The following EML6 variants were observed in gnomAD, a reference collection of about 807,000 sequenced individuals.
The protein encoded by EML6 is echinoderm microtubule-associated protein-like 6.
Under a neutral mutation model 240.1 loss-of-function variants are expected in EML6, and 154 were observed. The observed-to-expected ratio is 0.64, with a 90% CI of 0.56 to 0.73. The LOEUF (loss-of-function observed/expected upper bound fraction) is 0.73, where lower values mean the gene tolerates loss of function less well. Among genes scored for constraint, EML6 ranks in the 30% least tolerant of loss-of-function variants. The pLI, the probability that EML6 is intolerant of heterozygous loss-of-function variation, is 0.00. For missense variants in EML6, 2,964 were observed against 2,474.6 expected, an observed-to-expected ratio of 1.20 and a Z score of -4.20; for synonymous variants, 1,148 against 899.0, an observed-to-expected ratio of 1.28 and a Z score of -4.95.
chr2:54,731,693 A>G (rs6708082), intron 2 of EML6, among the ~76,000 whole-genome samples: 33,416 of 151,944 alleles, frequency 0.22, 4,047 homozygotes, highest in African/African-American at 0.34. Flanking sequence ...GCTTGAAAAC[A>G]TTGCGCTGAA....
At chr2:54,870,135 C>G (rs188924380) in intron 15 of EML6, among the ~76,000 whole-genome samples, 173 of 152,230 alleles carry the variant, frequency 1.1e-3, no homozygotes, top group Non-Finnish European at 1.9e-3. Flanking sequence ...AGAAAACATT[C>G]TTGGTATAAT....
intron 2 of EML6, among the ~76,000 whole-genome samples, chr2:54,744,792 T>A (rs1046517548): frequency 6.6e-6 from 1 of 152,036 alleles, no homozygotes; most frequent in South Asian, 2.1e-4. Context: ...AAAATTTAAC[T>A]ATGGACATTA....
chr2:54,914,063 A>G (rs765746066), intron 25 of EML6, among the ~76,000 whole-genome samples: 4 of 152,268 alleles, frequency 2.6e-5, no homozygotes, highest in Admixed American at 6.5e-5. Context: ...GCCTTGTAGT[A>G]TACTTTGAAG....
intron 2 of EML6, among the ~76,000 whole-genome samples, chr2:54,741,165 A>G (rs1454437920): frequency 2.6e-5 from 4 of 152,058 alleles, no homozygotes; most frequent in Non-Finnish European, 5.9e-5. Flanking sequence ...GAGAGCCCCA[A>G]GTGCAGCTGA....
chr2:54,789,976 A>G (rs1296450028), intron 2 of EML6, among the ~76,000 whole-genome samples: 1 of 152,194 alleles, frequency 6.6e-6, no homozygotes, highest in Non-Finnish European at 1.5e-5. Context: ...GTGGGGATTC[A>G]TCTTATTTTT....
intron 2 of EML6, among the ~76,000 whole-genome samples, chr2:54,784,003 C>T (rs554520577): frequency 1.3e-5 from 2 of 151,926 alleles, no homozygotes; most frequent in Admixed American, 6.6e-5. Flanking sequence ...GGCTGGAGTA[C>T]AGTCGTGATC....
chr2:54,945,949 G>C (rs1675675927), intron 28 of EML6, among the ~76,000 whole-genome samples: 1 of 152,206 alleles, frequency 6.6e-6, no homozygotes, highest in Non-Finnish European at 1.5e-5. Flanking sequence ...GTACAGGGTT[G>C]TGACTCTCCC....
intron 2 of EML6, among the ~76,000 whole-genome samples, chr2:54,791,836 C>T (rs557745044): frequency 6.6e-6 from 1 of 152,310 alleles, no homozygotes; most frequent in South Asian, 2.1e-4. Flanking sequence ...GTCATTTCTC[C>T]TCTCTGGCTT....
intron 2 of EML6, among the ~76,000 whole-genome samples, chr2:54,740,712 T>G (rs1683592746): frequency 6.7e-6 from 1 of 149,632 alleles, no homozygotes; most frequent in African/African-American, 2.4e-5. Flanking sequence ...CTCTAGCTCT[T>G]TTTTTTTTTC....
chr2:54,855,225 G>A (rs1220053988), intron 11 of EML6, among the ~76,000 whole-genome samples: 2 of 152,086 alleles, frequency 1.3e-5, no homozygotes, highest in Non-Finnish European at 2.9e-5. Context: ...GCTAGCATTT[G>A]CTTGGCGTCT....
chr2:54,953,771 C>T (rs1676097641), intron 31 of EML6, among the ~76,000 whole-genome samples: 1 of 151,776 alleles, frequency 6.6e-6, no homozygotes, highest in Admixed American at 6.6e-5. Context: ...CCTGTAATCC[C>T]AGCTACTCGG....
chr2:54,827,729 G>A lies in EML6; in HGVS notation c.689G>A (p.Arg230His), dbSNP rs757168039. ...IYVWKGLNLV[R>H]TIQGAHSAGI... The stretch of plus-strand genomic sequence containing the variant: ...GTCTGGAAAGGGCTCAATTTAGTCC[G>A]CACCATTCAAGGAGCACATAGTGTA... Residue 230 changes from arginine (R) to histidine (H), a missense_variant, in exon 6 of 42, where the codon CGC becomes CAC. Arg to His is a conservative substitution (Grantham distance 29). Coordinates refer to ENST00000356458, the MANE Select transcript of EML6 (RefSeq NM_001039753.4). 25 of 1,551,210 alleles carry A rather than the reference G, an allele frequency of 1.6e-5. No individual in the cohort carries two copies. The highest frequency in any genetic ancestry group is 4.9e-5 in the East Asian group (2 of 40,918).
chr2:54,944,115 C>T (rs549753387), intron 28 of EML6, among the ~76,000 whole-genome samples: 2 of 152,096 alleles, frequency 1.3e-5, no homozygotes, highest in East Asian at 3.9e-4. Context: ...CTACCATCTA[C>T]CCTCTCTCTT....
At chr2:54,731,309 G>C (rs540182268) in intron 2 of EML6, among the ~76,000 whole-genome samples, 2 of 152,236 alleles carry the variant, frequency 1.3e-5, no homozygotes, top group Admixed American at 1.3e-4. Flanking sequence ...TTCAGTTATT[G>C]TTGTGGATAC....
intron 28 of EML6, among the ~76,000 whole-genome samples, chr2:54,930,550 T>C (rs777602930): frequency 5.9e-5 from 9 of 152,002 alleles, no homozygotes; most frequent in Non-Finnish European, 1.0e-4. Context: ...AAAAGCCTTA[T>C]AATATTATGA....
chr2:54,837,702 CAAG>C (rs752772624), intron 7 of EML6, among the ~76,000 whole-genome samples: 156 of 152,296 alleles, frequency 1.0e-3, no homozygotes, highest in Non-Finnish European at 1.6e-3. Context: ...ATCTGACATG[CAAG>C]AACACACTAG....
At chr2:54,840,332 T>A (rs1216522875) in intron 7 of EML6, among the ~76,000 whole-genome samples, 1 of 152,246 alleles carries the variant, frequency 6.6e-6, no homozygotes, top group East Asian at 1.9e-4. Flanking sequence ...ATGATCTGAA[T>A]ATTCAATAAC....
chr2:54,799,033 AT>A (rs955554919), intron 2 of EML6, among the ~76,000 whole-genome samples: 2 of 151,694 alleles, frequency 1.3e-5, no homozygotes, highest in African/African-American at 4.8e-5. Context: ...AGATGATTGT[AT>A]TTTTTTTCTG....
chr2:54,814,559 T>C (rs1188650667), intron 3 of EML6, among the ~76,000 whole-genome samples: 1 of 152,200 alleles, frequency 6.6e-6, no homozygotes, highest in Non-Finnish European at 1.5e-5. Context: ...ACCCTGCGTG[T>C]TTCTGCCTGT....
Sources: gnomAD v4.1 joint callset for allele counts (sites outside exome capture counted in the v4.1 genomes callset) on GRCh38, gnomAD v4.1.1 for gene constraint, MANE v1.5 for transcripts, NCBI Gene and HGNC (gene_info 2026-07-23, HGNC 2026-07-21) for gene names.